CDS2: variants seen among roughly 807,000 people sequenced by gnomAD.
CDS2 encodes phosphatidate cytidylyltransferase 2.
A neutral mutation model predicts 59.0 loss-of-function variants in CDS2; 47 were observed. The ratio of observed to expected loss-of-function variants is 0.80; its 90% CI spans 0.63 to 1.02. The LOEUF is 1.02. Ranked by LOEUF, CDS2 falls within the 50% of genes least tolerant of loss-of-function variation. The probability of loss-of-function intolerance (pLI) is 0.00; values close to 1 mark genes in which losing one functional copy is unlikely to be tolerated. For synonymous variants in CDS2, 207 were observed against 206.4 expected (o/e 1.00, Z -0.02); for missense variants, 356 against 558.9 (o/e 0.64, Z 3.66).
chr20:5,150,935 G>C (rs2090784135), intron 1 of CDS2, among the ~76,000 whole-genome samples: 1 of 152,228 alleles, frequency 6.6e-6, no homozygotes, highest in South Asian at 2.1e-4. Flanking sequence ...GAACAAAGTA[G>C]CCAGAGATCA....
intron 10 of CDS2, 59 bp from the exon 11 acceptor site, chr20:5,189,008 T>G (rs1600519415): frequency 4.4e-6 from 7 of 1,606,832 alleles, no homozygotes; most frequent in South Asian, 2.2e-5. Flanking sequence ...AGTTGACAAC[T>G]CAAACCGTAA....
At chr20:5,146,698 A>G (rs975356276) in intron 1 of CDS2, among the ~76,000 whole-genome samples, 10 of 152,222 alleles carry the variant, frequency 6.6e-5, no homozygotes, top group African/African-American at 2.4e-4. Flanking sequence ...TCTTTAAACC[A>G]TTACAACAAA....
At chr20:5,128,405 A>G (rs569334165) in intron 1 of CDS2, 1 of 152,332 alleles carries the variant, frequency 6.6e-6, no homozygotes, top group East Asian at 1.9e-4. Context: ...TAATGAGATC[A>G]TGGGTTTTTT....
At chr20:5,148,241 G>T (rs917945939) in intron 1 of CDS2, among the ~76,000 whole-genome samples, 3 of 152,128 alleles carry the variant, frequency 2.0e-5, no homozygotes, top group African/African-American at 7.2e-5. Context: ...GCTGGAGGTG[G>T]CACAGGTACC....
In CDS2 at chr20:5,197,236, TTTTTTTTTTTTTTGG is replaced by T. The variant is rs1267898773; in HGVS notation, c.*7015_*7029del. On this transcript the variant is annotated 3_prime_UTR_variant, in exon 13 of 13. Coordinates refer to ENST00000460006, the MANE Select transcript of CDS2 (RefSeq NM_003818.4). ...AAGGATCTTGGGAACCTTGGTGGTT[TTTTTTTTTTTTTTGG>T]TTTTTTTTTTTTGATCGAGCTGTGG... is the stretch of plus-strand genomic sequence containing the variant. 2.5e-5 allele frequency: 1 copy of T among 39,276 alleles called. No homozygotes were observed. Among genetic ancestry groups the T allele is most frequent in the Non-Finnish European group, 5.3e-5 (1 of 18,798 alleles). The allele number at this position is 39,276 out of a possible 1,614,324, so 2.4% of individuals were successfully genotyped here. A position where few individuals can be genotyped will look rare whatever the true frequency, so the allele number is the denominator to read the frequency against.
At chr20:5,178,661 G>A (rs1414787224) in intron 4 of CDS2, among the ~76,000 whole-genome samples, 156 bp from the exon 5 acceptor site, 1 of 152,172 alleles carries the variant, frequency 6.6e-6, no homozygotes, top group Non-Finnish European at 1.5e-5. Context: ...CCAGAGAGCA[G>A]GAAACCATGG....
chr20:5,161,149 A>G (rs1345164747), intron 1 of CDS2, among the ~76,000 whole-genome samples: 1 of 152,198 alleles, frequency 6.6e-6, no homozygotes, highest in African/African-American at 2.4e-5. Flanking sequence ...TAGCAGCTGC[A>G]TTATTTTACA....
Position 5,197,435 on chromosome 20 carries a change from C to CCT in CDS2, c.*7201_*7202insCT, listed in dbSNP as rs35492984. The CCT allele has an allele frequency of 0.46, 69,967 of 151,728 alleles. 16,813 individuals are homozygous for CCT. Among genetic ancestry groups the CCT allele is most frequent in the African/African-American group, 0.56 (23,182 of 41,300 alleles). 9.4% of individuals were successfully genotyped at this position (151,728 alleles called of 1,614,324 possible). On this transcript the variant is annotated 3_prime_UTR_variant, in exon 13 of 13. Coordinates refer to ENST00000460006, the MANE Select transcript of CDS2 (RefSeq NM_003818.4). ...GTGTCTGTGCCTCCCAGAGGTCAGC[C>CCT]GTGTCTGCCCTGGCTCTGTCTCCTC...
At chr20:5,158,260 C>T (rs1332001457) in intron 1 of CDS2, among the ~76,000 whole-genome samples, 1 of 150,594 alleles carries the variant, frequency 6.6e-6, no homozygotes, top group Non-Finnish European at 1.5e-5. Context: ...ACTTCTGCCT[C>T]TCGAGATCAA....
At chr20:5,160,019 A>G (rs988849624) in intron 1 of CDS2, among the ~76,000 whole-genome samples, 8 of 152,178 alleles carry the variant, frequency 5.3e-5, no homozygotes, top group Non-Finnish European at 1.2e-4. Flanking sequence ...AGTGGTTGAT[A>G]TGCCTTCTTC....
At position 5,164,437 on chromosome 20, in the gene CDS2, G is replaced by C. The variant is rs918923337; in HGVS notation, c.58-9086G>C. On this transcript the variant is annotated intron_variant, in intron 1 of 12. Transcript: ENST00000460006. ...GACAGTGAAGCAGGTACCAGATGGC[G>C]ATTTATGATTTAGGGGCTCGTCGCA... 3.3e-5 allele frequency among the ~76,000 whole-genome samples: 5 copies of C among 152,066 alleles called. No individual in the cohort carries two copies. The South Asian group carries it at 6.2e-4, about 19-fold the overall frequency.
chr20:5,173,448 C>A (rs2090971017), intron 1 of CDS2, 75 bp from the exon 2 acceptor site: 5 of 1,541,816 alleles, frequency 3.2e-6, no homozygotes, highest in Non-Finnish European at 4.5e-6. Flanking sequence ...ACAGATCTCT[C>A]ATGACAGGCA....
chr20:5,194,453 C>T lies in CDS2; in HGVS notation c.*4219C>T, dbSNP rs1568548058. 6.6e-6 allele frequency: 1 copy of T among 152,300 alleles called. No individual in the cohort carries two copies. The highest frequency in any genetic ancestry group is 1.5e-5 in the Non-Finnish European group (1 of 68,112). 9.4% of individuals were successfully genotyped at this position (152,300 alleles called of 1,614,324 possible). On this transcript the variant is annotated 3_prime_UTR_variant, in exon 13 of 13. Coordinates refer to ENST00000460006, the MANE Select transcript of CDS2 (RefSeq NM_003818.4). Reference sequence around the variant, plus strand: ...TCAGAAGAGTCCTGGCTGCTGTTGCCATCTGAATGCGCCCTTCCCTTTCAG... The same window carrying T: ...TCAGAAGAGTCCTGGCTGCTGTTGCTATCTGAATGCGCCCTTCCCTTTCAG...
intron 1 of CDS2, among the ~76,000 whole-genome samples, chr20:5,136,000 C>T (rs900196455): frequency 1.3e-5 from 2 of 152,118 alleles, no homozygotes; most frequent in Non-Finnish European, 2.9e-5. Flanking sequence ...CTCCATAGGG[C>T]CAGCTTGGGG....
At chr20:5,188,100 C>A (rs573283457) in intron 10 of CDS2, among the ~76,000 whole-genome samples, 2 of 151,206 alleles carry the variant, frequency 1.3e-5, no homozygotes, top group African/African-American at 2.4e-5. Context: ...TGAGAAAAAA[C>A]ACAAACATAT....
intron 1 of CDS2, among the ~76,000 whole-genome samples, chr20:5,160,899 G>A (rs1001960101): frequency 6.6e-6 from 1 of 152,188 alleles, no homozygotes; most frequent in East Asian, 1.9e-4. Flanking sequence ...TCCTTTTTAA[G>A]GCTGAATAAT....
intron 1 of CDS2, among the ~76,000 whole-genome samples, chr20:5,148,727 G>A (rs1013755383): frequency 1.3e-5 from 2 of 152,226 alleles, no homozygotes; most frequent in Admixed American, 6.5e-5. Flanking sequence ...CACCGTGGTT[G>A]GGTCAATATC....
intron 1 of CDS2, among the ~76,000 whole-genome samples, chr20:5,129,743 T>A (rs1454563414): frequency 2.8e-5 from 4 of 144,790 alleles, no homozygotes; most frequent in Non-Finnish European, 4.5e-5. Context: ...TACCTGGCGT[T>A]TTTTTTTTTG....
intron 1 of CDS2, among the ~76,000 whole-genome samples, chr20:5,135,850 C>G (rs2090645893): frequency 6.6e-6 from 1 of 152,174 alleles, no homozygotes; most frequent in South Asian, 2.1e-4. Flanking sequence ...CTCCCGCCTG[C>G]CTCTCCCCAG....
Sources: allele counts gnomAD v4.1 joint callset (sites outside exome capture counted in the v4.1 genomes callset), GRCh38; gene constraint gnomAD v4.1.1; transcripts MANE v1.5; gene names NCBI Gene and HGNC (gene_info 2026-07-23, HGNC 2026-07-21).